The following C4orf50 variants were observed in gnomAD, a reference collection of about 807,000 sequenced individuals.
The protein encoded by C4orf50 is chromosome 4 open reading frame 50, also known as uncharacterized protein C4orf50.
Under a neutral mutation model 77.2 loss-of-function variants are expected in C4orf50, and 80 were observed. The observed-to-expected ratio is 1.04, with a 90% CI of 0.87 to 1.25. C4orf50 has a LOEUF of 1.25. C4orf50 is among the 50% of genes most tolerant of loss of function. The pLI, the probability that C4orf50 is intolerant of heterozygous loss-of-function variation, is 0.00. For missense variants in C4orf50, 1,257 were observed against 1,152.9 expected (o/e 1.09, Z -1.31); for synonymous variants, 532 against 465.3 (o/e 1.14, Z -1.84).
At chr4:5,911,691 C>T (rs915019123) in intron 7 of C4orf50, among the ~76,000 whole-genome samples, 3 of 152,190 alleles carry the variant, frequency 2.0e-5, no homozygotes, top group African/African-American at 7.2e-5. Flanking sequence ...AATAGAGAAC[C>T]ACAGTGGTGA....
chr4:5,997,388 G>C (rs576017748), intron 25 of C4orf50, among the ~76,000 whole-genome samples: 52 of 152,324 alleles, frequency 3.4e-4, no homozygotes, highest in African/African-American at 1.2e-3. Flanking sequence ...CAACCTAGAA[G>C]ACAACGCTGT....
intron 7 of C4orf50, among the ~76,000 whole-genome samples, chr4:5,939,610 C>G (rs1577910904): frequency 1.3e-5 from 2 of 152,194 alleles, no homozygotes; most frequent in East Asian, 3.9e-4. Context: ...CATTCCATTT[C>G]CTACTCCCCA....
intron 7 of C4orf50, among the ~76,000 whole-genome samples, chr4:5,950,516 A>G (rs1296907153): frequency 3.3e-5 from 5 of 152,194 alleles, no homozygotes; most frequent in African/African-American, 1.2e-4. Context: ...TCAAAACAAA[A>G]TATTTTCAAA....
At chr4:5,950,650 CT>C (rs917762392) in intron 7 of C4orf50, among the ~76,000 whole-genome samples, 1 of 152,206 alleles carries the variant, frequency 6.6e-6, no homozygotes, top group Admixed American at 6.5e-5. Context: ...GACATCTTGA[CT>C]GATAACATCC....
At chr4:5,922,988 C>T (rs925482664) in intron 7 of C4orf50, among the ~76,000 whole-genome samples, 1 of 152,174 alleles carries the variant, frequency 6.6e-6, no homozygotes, top group African/African-American at 2.4e-5. Context: ...AACATTTTGA[C>T]AGCACTTCAG....
intron 7 of C4orf50, among the ~76,000 whole-genome samples, chr4:5,914,352 C>T (rs1165394522): frequency 1.3e-5 from 2 of 151,846 alleles, no homozygotes; most frequent in Non-Finnish European, 2.9e-5. Context: ...CTATAGGCGC[C>T]TGCCACCATG....
intron 7 of C4orf50, among the ~76,000 whole-genome samples, chr4:5,938,461 G>A (rs755145762): frequency 2.6e-5 from 4 of 152,154 alleles, no homozygotes; most frequent in Admixed American, 6.5e-5. Flanking sequence ...GGGTCACAGC[G>A]GGAGGGGCCC....
intron 31 of C4orf50, among the ~76,000 whole-genome samples, chr4:5,969,977 T>G (rs949883187): frequency 1.3e-5 from 2 of 152,086 alleles, no homozygotes; most frequent in African/African-American, 4.8e-5. Context: ...TAGCCAGTGC[T>G]GTGTCCCAGG....
At chr4:5,963,729 A>G (rs1263030286) in intron 33 of C4orf50, among the ~76,000 whole-genome samples, 2 of 152,212 alleles carry the variant, frequency 1.3e-5, no homozygotes, top group Non-Finnish European at 2.9e-5. Context: ...TTTTACTGTG[A>G]GCACCTCTGA....
intron 27 of C4orf50, 118 bp from the exon 6 acceptor site, chr4:5,990,942 C>T (rs900971203): frequency 7.5e-6 from 3 of 397,772 alleles, no homozygotes; most frequent in Admixed American, 4.4e-5. Context: ...AGGGGACAAG[C>T]TCTTTCCCAC....
intron 23 of C4orf50, among the ~76,000 whole-genome samples, chr4:6,016,519 A>C (rs1722690624): frequency 6.6e-6 from 1 of 152,216 alleles, no homozygotes; most frequent in East Asian, 1.9e-4. Context: ...ACTTCACTCC[A>C]GCCTGGGTGA....
chr4:5,954,754 G>GCC (rs781091872), downstream of C4orf50, among the ~76,000 whole-genome samples: 7 of 152,254 alleles, frequency 4.6e-5, no homozygotes, highest in East Asian at 7.7e-4. The surrounding 1 kb of genome is among the most constrained non-coding windows in gnomAD (Gnocchi z 4.7). Flanking sequence ...AATGGAAGAC[G>GCC]CCCAGCTCAG....
intron 25 of C4orf50, among the ~76,000 whole-genome samples, chr4:6,004,315 G>GGTGATGATGGTGATGGTGA (rs774914346): frequency 4.5e-5 from 1 of 22,096 alleles, no homozygotes; most frequent in Admixed American, 5.0e-4. Context: ...TGGTGATGAT[G>GGTGATGATGGTGATGGTGA]TGATCGTAAT....
chr4:5,986,067 G>A (rs993417225), intron 28 of C4orf50, among the ~76,000 whole-genome samples: 25 of 152,260 alleles, frequency 1.6e-4, no homozygotes, highest in Admixed American at 3.9e-4. Flanking sequence ...ACTCAGAGTG[G>A]AAGATTTTAA....
Position 5,932,078 on chromosome 4 carries a change from T to C in C4orf50, c.*2474+24823A>G, listed in dbSNP as rs2108745432. 9.0e-6 allele frequency among the ~76,000 whole-genome samples: 1 copy of C among 110,858 alleles called. No individual in the cohort carries two copies. The highest frequency in any genetic ancestry group is 3.2e-4 in the East Asian group (1 of 3,120). 72.7% of individuals were successfully genotyped at this position (110,858 alleles called of 152,430 possible). On this transcript the variant is annotated intron_variant, in intron 7 of 7. Coordinates refer to the C4orf50 transcript ENST00000324058. This position sits in a 1 kb window ranked among gnomAD's most constrained non-coding sequence, Gnocchi z 4.2. The stretch of plus-strand genomic sequence containing the variant: ...GCCCCCCACCCCTGCCAACTGTCTC[T>C]AATTTCCGTGCAATGTTTGGCCTCT...
exon 34 of C4orf50, chr4:5,959,245 G>T: frequency 9.0e-7 from 1 of 1,107,342 alleles, no homozygotes; most frequent in Non-Finnish European, 1.3e-6. Flanking sequence ...AAATCCCAAA[G>T]CCGAAGGCAA....
intron 33 of C4orf50, among the ~76,000 whole-genome samples, chr4:5,961,316 A>C (rs2108763951): frequency 6.6e-6 from 1 of 152,348 alleles, no homozygotes; most frequent in East Asian, 1.9e-4. Flanking sequence ...CTCCATCTCA[A>C]AAACAACAAC....
rs1722475749 is a variant in C4orf50, at chr4:6,011,074, G to T, written c.426+756C>A. On this transcript the variant is annotated intron_variant, in intron 24 of 33. Coordinates refer to ENST00000531445, the Ensembl canonical transcript of C4orf50. This position sits in a 1 kb window ranked among gnomAD's most constrained non-coding sequence, Gnocchi z 4.2. ...CCTCCAGAGCCCCCCACCCTTAACT[G>T]CCCACTGCTTCTCCAGAGAGCTCTC... is the stretch of plus-strand genomic sequence containing the variant. Among the ~76,000 whole-genome samples the T allele has an allele frequency of 1.3e-5, 2 of 152,010 alleles. No homozygotes were observed. The highest frequency in any genetic ancestry group is 2.9e-5 in the Non-Finnish European group (2 of 67,980).
chr4:5,942,634 C>T (rs756731555), intron 7 of C4orf50, among the ~76,000 whole-genome samples: 31 of 152,174 alleles, frequency 2.0e-4, no homozygotes, highest in Non-Finnish European at 4.4e-5. Context: ...AGTTTGTTTA[C>T]TCCTACAAGA....
Sources: allele counts gnomAD v4.1 joint callset (sites outside exome capture counted in the v4.1 genomes callset), GRCh38; gene constraint gnomAD v4.1.1; non-coding constraint Gnocchi (gnomAD v3.1); transcripts MANE v1.5; gene names NCBI Gene and HGNC (gene_info 2026-07-23, HGNC 2026-07-21).